The following SLIT2 variants were observed in gnomAD, a reference collection of about 807,000 sequenced individuals.
The protein encoded by SLIT2 is slit homolog 2 protein.
In SLIT2, 41 loss-of-function variants were observed where a neutral mutation model predicts 185.7. The ratio of observed to expected loss-of-function variants is 0.22; its 90% CI spans 0.17 to 0.29. SLIT2 has a LOEUF of 0.29. Among genes scored for constraint, SLIT2 ranks in the 10% least tolerant of loss-of-function variants. SLIT2 has a pLI of 1.00. For missense variants in SLIT2, 1,571 were observed against 1,909.0 expected, an observed-to-expected ratio of 0.82 and a Z score of 3.30; for synonymous variants, 693 against 680.2, an observed-to-expected ratio of 1.02 and a Z score of -0.29.
At chr4:20,273,822 G>C (rs1359414759) in intron 4 of SLIT2, among the ~76,000 whole-genome samples, 2 of 152,166 alleles carry the variant, frequency 1.3e-5, no homozygotes, top group African/African-American at 4.8e-5. Context: ...ATTAATTTCT[G>C]CCAGCTCTGA....
At chr4:20,583,665 T>A (rs1289656460) in intron 29 of SLIT2, among the ~76,000 whole-genome samples, 1 of 151,798 alleles carries the variant, frequency 6.6e-6, no homozygotes, top group Non-Finnish European at 1.5e-5. Flanking sequence ...AAAATTTAGC[T>A]GGGCATGGTG....
intron 4 of SLIT2, among the ~76,000 whole-genome samples, chr4:20,416,397 A>T (rs1242869944): frequency 6.6e-6 from 1 of 152,162 alleles, no homozygotes; most frequent in Non-Finnish European, 1.5e-5. Flanking sequence ...TTATCTCATT[A>T]CTTATTATCT....
chr4:20,562,073 A>G (rs1006777444), intron 26 of SLIT2, among the ~76,000 whole-genome samples: 2 of 151,818 alleles, frequency 1.3e-5, no homozygotes, highest in Non-Finnish European at 2.9e-5. Context: ...GTAGTAATTT[A>G]GCCTTTGTGT....
intron 30 of SLIT2, among the ~76,000 whole-genome samples, chr4:20,595,319 C>T (rs1365737265): frequency 1.3e-5 from 2 of 151,730 alleles, no homozygotes; most frequent in African/African-American, 4.8e-5. Context: ...CTTTTATAAT[C>T]TCAATGATCA....
At chr4:20,594,203 G>A (rs995944677) in intron 30 of SLIT2, among the ~76,000 whole-genome samples, 2 of 149,010 alleles carry the variant, frequency 1.3e-5, no homozygotes, top group African/African-American at 4.9e-5. Flanking sequence ...ACATATGTAT[G>A]TATGTGTGTA....
chr4:20,348,047 A>T (rs548466887), intron 4 of SLIT2, among the ~76,000 whole-genome samples: 46 of 152,342 alleles, frequency 3.0e-4, no homozygotes, highest in African/African-American at 1.1e-3. Context: ...ATCTAATTTT[A>T]AAAAGGGTGT....
chr4:20,403,449 CATG>C (rs988955127), intron 4 of SLIT2, among the ~76,000 whole-genome samples: 1 of 151,888 alleles, frequency 6.6e-6, no homozygotes, highest in African/African-American at 2.4e-5. Flanking sequence ...ATTCTGTTAG[CATG>C]ATGAACTAAT....
intron 4 of SLIT2, among the ~76,000 whole-genome samples, chr4:20,366,782 GT>G (rs1174812851): frequency 6.6e-6 from 1 of 151,934 alleles, no homozygotes; most frequent in Non-Finnish European, 1.5e-5. Flanking sequence ...ATATTTTAGG[GT>G]TTTTTTAGTT....
intron 4 of SLIT2, among the ~76,000 whole-genome samples, chr4:20,419,615 T>C (rs1324956896): frequency 6.6e-6 from 1 of 151,130 alleles, no homozygotes; most frequent in Non-Finnish European, 1.5e-5. Context: ...ACCTTTAAAA[T>C]GGGGAAGATG....
chr4:20,472,358 C>CTATA (rs1346814647), intron 5 of SLIT2, among the ~76,000 whole-genome samples: 1 of 14,102 alleles, frequency 7.1e-5, no homozygotes, highest in African/African-American at 3.4e-4. Flanking sequence ...ATATAGATAT[C>CTATA]TATATAGATA....
chr4:20,409,235 A>G (rs1281454627), intron 4 of SLIT2, among the ~76,000 whole-genome samples: 2 of 152,106 alleles, frequency 1.3e-5, no homozygotes, highest in East Asian at 1.9e-4. Flanking sequence ...TTCTCGCCCT[A>G]CAACAGGCCC....
At chr4:20,561,450 C>A (rs1029103949) in intron 26 of SLIT2, among the ~76,000 whole-genome samples, 1 of 151,580 alleles carries the variant, frequency 6.6e-6, no homozygotes, top group African/African-American at 2.4e-5. Context: ...TGAGTGGGAG[C>A]TTTTGTTCTG....
intron 4 of SLIT2, among the ~76,000 whole-genome samples, chr4:20,431,755 A>G (rs1269923386): frequency 2.0e-5 from 3 of 152,148 alleles, no homozygotes; most frequent in Admixed American, 1.3e-4. Flanking sequence ...CCTCTACTTC[A>G]TATAGCTTAT....
chr4:20,485,702 C>T (rs934595637), intron 6 of SLIT2, among the ~76,000 whole-genome samples: 35 of 152,240 alleles, frequency 2.3e-4, no homozygotes, highest in Admixed American at 2.2e-3. Context: ...CTGATGTCTG[C>T]GGTAAATAAT....
At chr4:20,466,091 T>G (rs1362299957) in intron 4 of SLIT2, among the ~76,000 whole-genome samples, 1 of 152,174 alleles carries the variant, frequency 6.6e-6, no homozygotes, top group Non-Finnish European at 1.5e-5. Flanking sequence ...TCAAATTTTC[T>G]TGAATGCAAA....
chr4:20,504,753 C>T lies in SLIT2; in HGVS notation c.915-5742C>T, dbSNP rs533582359. On this transcript the variant is annotated intron_variant, in intron 9 of 36. Coordinates refer to ENST00000504154, the MANE Select transcript of SLIT2 (RefSeq NM_004787.4). ...TGTATGTGTGGGGGTGTGTGGGTGA[C>T]GTTGCAATAGTCCCCCCTCTTCCAC... Among the ~76,000 whole-genome samples the T allele has an allele frequency of 1.1e-4, 17 of 152,074 alleles. No homozygotes were observed. In the South Asian group the frequency reaches 3.3e-3, roughly 30 times the overall value.
chr4:20,341,146 G>GAAAGTATATTGAAA, intron 4 of SLIT2, among the ~76,000 whole-genome samples: 1 of 152,188 alleles, frequency 6.6e-6, no homozygotes, highest in South Asian at 2.1e-4. Flanking sequence ...CTTGCACTTT[G>GAAAGTATATTGAAA]TAGGAGTATT....
chr4:20,538,659 G>C (rs1041228025), intron 18 of SLIT2, among the ~76,000 whole-genome samples: 13 of 151,680 alleles, frequency 8.6e-5, no homozygotes, highest in African/African-American at 2.7e-4. Context: ...ATGGGACTTT[G>C]AGCTTTTTGT....
At chr4:20,503,521 A>G (rs2148816105) in intron 9 of SLIT2, among the ~76,000 whole-genome samples, 1 of 152,008 alleles carries the variant, frequency 6.6e-6, no homozygotes, top group South Asian at 2.1e-4. Context: ...ATAGTGACAT[A>G]TTCTCTCCCC....
Sources: gnomAD v4.1 joint callset for allele counts (sites outside exome capture counted in the v4.1 genomes callset) on GRCh38, gnomAD v4.1.1 for gene constraint, MANE v1.5 for transcripts, NCBI Gene and HGNC (gene_info 2026-07-23, HGNC 2026-07-21) for gene names.